The following DLGAP4 variants were observed in gnomAD, a reference collection of about 807,000 sequenced individuals.
DLGAP4 encodes the protein disks large-associated protein 4.
A neutral mutation model predicts 86.9 loss-of-function variants in DLGAP4; 18 were observed. That is an observed-to-expected ratio of 0.21 (90% CI 0.14 to 0.31). DLGAP4 has a LOEUF of 0.31. Ranked by LOEUF, DLGAP4 falls within the 10% of genes least tolerant of loss-of-function variation. DLGAP4 has a pLI of 1.00. For missense variants in DLGAP4, 1,085 were observed against 1,362.6 expected, an observed-to-expected ratio of 0.80 and a Z score of 3.21; for synonymous variants, 548 against 574.3, an observed-to-expected ratio of 0.95 and a Z score of 0.65.
At chr20:36,471,190 C>G (rs2034646244) in intron 7 of DLGAP4, among the ~76,000 whole-genome samples, 1 of 152,126 alleles carries the variant, frequency 6.6e-6, no homozygotes, top group African/African-American at 2.4e-5. Flanking sequence ...TGAGCTCATT[C>G]AAATATTTAC....
chr20:36,434,337 T>G (rs1321075914), intron 3 of DLGAP4, among the ~76,000 whole-genome samples: 6 of 152,224 alleles, frequency 3.9e-5, no homozygotes, highest in Admixed American at 3.9e-4. Flanking sequence ...TGAGACTATT[T>G]TCTTTTTCAA....
At chr20:36,339,796 G>A (rs2065358911) in intron 1 of DLGAP4, among the ~76,000 whole-genome samples, 1 of 152,238 alleles carries the variant, frequency 6.6e-6, no homozygotes, top group Non-Finnish European at 1.5e-5. Context: ...AGAAGGCTGT[G>A]TTTCCTGTGG....
At chr20:36,425,426 A>T (rs894239052) in intron 2 of DLGAP4, among the ~76,000 whole-genome samples, 3 of 152,194 alleles carry the variant, frequency 2.0e-5, no homozygotes, top group Admixed American at 1.3e-4. Flanking sequence ...TTAAAAAGGA[A>T]ATAAGTTCTG....
chr20:36,352,974 G>A (rs2030207553), intron 1 of DLGAP4, among the ~76,000 whole-genome samples: 1 of 152,176 alleles, frequency 6.6e-6, no homozygotes, highest in African/African-American at 2.4e-5. Flanking sequence ...GCAGGCCCAG[G>A]TTCTGCGCTG....
At chr20:36,411,002 G>GTTTTT (rs1251460581) in intron 2 of DLGAP4, among the ~76,000 whole-genome samples, 1 of 151,972 alleles carries the variant, frequency 6.6e-6, no homozygotes, top group Non-Finnish European at 1.5e-5. Context: ...GTTTTGTTTT[G>GTTTTT]TTTTTTGAGA....
At chr20:36,469,519 G>C (rs555509137) in intron 7 of DLGAP4, among the ~76,000 whole-genome samples, 2 of 152,306 alleles carry the variant, frequency 1.3e-5, no homozygotes, top group African/African-American at 4.8e-5. Context: ...TTGAGAGGCT[G>C]AGGCGGGCGG....
chr20:36,524,646 G>A (rs1320827383), intron 11 of DLGAP4, among the ~76,000 whole-genome samples: 2 of 152,210 alleles, frequency 1.3e-5, no homozygotes, highest in East Asian at 3.8e-4. Context: ...GCTCATGCCT[G>A]TAATTCCAAC....
intron 2 of DLGAP4, among the ~76,000 whole-genome samples, chr20:36,406,169 C>G (rs527961062): frequency 6.6e-6 from 1 of 152,062 alleles, no homozygotes; most frequent in African/African-American, 2.4e-5. Context: ...GAGGCCCAGG[C>G]GGGTGGATCA....
intron 7 of DLGAP4, among the ~76,000 whole-genome samples, chr20:36,460,394 A>C (rs1390154408): frequency 2.0e-5 from 3 of 152,264 alleles, no homozygotes; most frequent in Non-Finnish European, 4.4e-5. Context: ...CAGTGCCTGG[A>C]TTCAAAACGG....
Position 36,329,362 on chromosome 20 carries a change from C to T in DLGAP4, c.-304+22850C>T, listed in dbSNP as rs149752855. ...TGTGACCTGGGACTAGTTACTCTAC[C>T]TTTCTGAAGTTTCATTTGCTTATCT... On this transcript the variant is annotated intron_variant, in intron 1 of 12. Coordinates refer to ENST00000339266, the MANE Select transcript of DLGAP4 (RefSeq NM_001365621.2). Among the ~76,000 whole-genome samples, 7 of 152,314 alleles carry T rather than the reference C, an allele frequency of 4.6e-5. No individual in the cohort carries two copies. The East Asian group carries it at 1.3e-3, about 29-fold the overall frequency.
intron 2 of DLGAP4, among the ~76,000 whole-genome samples, chr20:36,426,623 A>G (rs1160666933): frequency 6.6e-6 from 1 of 152,148 alleles, no homozygotes; most frequent in Non-Finnish European, 1.5e-5. Context: ...GGGTGATGGA[A>G]TGGTTTTGGA....
At chr20:36,354,243 G>A (rs1312073447) in intron 1 of DLGAP4, among the ~76,000 whole-genome samples, 3 of 152,084 alleles carry the variant, frequency 2.0e-5, no homozygotes, top group Non-Finnish European at 4.4e-5. Flanking sequence ...TCCTGATTGA[G>A]CCCAGGAGTT....
intron 1 of DLGAP4, among the ~76,000 whole-genome samples, chr20:36,317,169 CTTCCTTCCTTTCTT>C (rs1246153382): frequency 1.3e-5 from 2 of 151,868 alleles, no homozygotes; most frequent in Non-Finnish European, 2.9e-5. Flanking sequence ...CCTTTCTCTC[CTTCCTTCCTTTCTT>C]TTCCTTCCTT....
rs1285977700 is a variant in DLGAP4 at position 36,431,870 on chromosome 20, C to G, written c.153C>G (p.Thr51=). The G allele has an allele frequency of 6.2e-7, 1 of 1,614,120 alleles. No homozygotes were observed. The highest frequency in any genetic ancestry group is 8.5e-7 in the Non-Finnish European group (1 of 1,180,006). The stretch of plus-strand genomic sequence containing the variant: ...AGGCCCGCTTCCCCGGGCAGAACAC[C>G]CTGCCAGGAGATGGCCTCTTTCCCC... ...AREARFPGQN[T]LPGDGLFPLN... The change falls in exon 3 of 13, where the codon ACC becomes ACG. Residue 51 remains threonine (T), a synonymous_variant. Coordinates refer to ENST00000339266, the MANE Select transcript of DLGAP4 (RefSeq NM_001365621.2). The surrounding 1 kb of genome is among the most constrained non-coding windows in gnomAD (Gnocchi z 5.1).
chr20:36,316,719 C>A (rs2065103731), intron 1 of DLGAP4, among the ~76,000 whole-genome samples: 1 of 151,892 alleles, frequency 6.6e-6, no homozygotes, highest in East Asian at 1.9e-4. Context: ...TCCCCTTCAG[C>A]AGTGCTCCCA....
intron 1 of DLGAP4, among the ~76,000 whole-genome samples, chr20:36,332,817 C>G (rs568876013): frequency 2.0e-5 from 3 of 152,086 alleles, no homozygotes; most frequent in Admixed American, 1.3e-4. Flanking sequence ...CCCAGCCCCC[C>G]ACCAGTCAAG....
rs570528440 is a variant in DLGAP4, at chr20:36,387,827, T to C, written c.-73+20552T>C. On this transcript the variant is annotated intron_variant, in intron 2 of 12. Coordinates refer to ENST00000339266, the MANE Select transcript of DLGAP4 (RefSeq NM_001365621.2). ...GCCCATGTATTTATGGATCTGTTTC[T>C]GGGAACTCTGTTCTGTTTCATTGAT... is the stretch of plus-strand genomic sequence containing the variant. Among the ~76,000 whole-genome samples, 14 of 152,366 alleles carry C rather than the reference T, an allele frequency of 9.2e-5. No individual in the cohort carries two copies. In the South Asian group the frequency reaches 2.3e-3, roughly 25 times the overall value.
Position 36,512,330 on chromosome 20 carries a change from G to A in DLGAP4, c.2512+11719G>A, listed in dbSNP as rs954045369. Among the ~76,000 whole-genome samples the A allele has an allele frequency of 1.2e-4, 19 of 152,030 alleles. 1 individual carries two copies. The highest frequency in any genetic ancestry group is 3.1e-4 in the African/African-American group (13 of 41,398). ...CTCCCAAAGTGCTGGGATTACAGGCGTGAGCCACCATGCCTGGCCCCTTGT... is the reference window on the plus strand; with the variant it reads ...CTCCCAAAGTGCTGGGATTACAGGCATGAGCCACCATGCCTGGCCCCTTGT... On this transcript the variant is annotated intron_variant, in intron 10 of 12. Transcript: ENST00000339266.
At chr20:36,395,708 C>T (rs1298661272) in intron 2 of DLGAP4, among the ~76,000 whole-genome samples, 1 of 152,002 alleles carries the variant, frequency 6.6e-6, no homozygotes, top group South Asian at 2.1e-4. Flanking sequence ...CATGTTGACC[C>T]GGCTGGTCTC....
Sources: allele counts gnomAD v4.1 joint callset (sites outside exome capture counted in the v4.1 genomes callset), GRCh38; gene constraint gnomAD v4.1.1; non-coding constraint Gnocchi (gnomAD v3.1); transcripts MANE v1.5; gene names NCBI Gene and HGNC (gene_info 2026-07-23, HGNC 2026-07-21).